The following UNC13C variants were observed in gnomAD, a reference collection of about 807,000 sequenced individuals.
UNC13C encodes the protein unc-13 homolog C.
In UNC13C, 174 loss-of-function variants were observed where a neutral mutation model predicts 245.4. The observed-to-expected ratio is 0.71, with a 90% CI of 0.63 to 0.80. The LOEUF (loss-of-function observed/expected upper bound fraction) is 0.80. Ranked by LOEUF, UNC13C falls within the 30% of genes least tolerant of loss-of-function variation. UNC13C has a pLI of 0.00. For missense variants in UNC13C, 2,829 were observed against 2,602.9 expected, an observed-to-expected ratio of 1.09 and a Z score of -1.89; for synonymous variants, 992 against 895.1, an observed-to-expected ratio of 1.11 and a Z score of -1.93.
At chr15:53,879,947 GTGTGTT>G in the UNC13C span, among the ~76,000 whole-genome samples, 11 of 129,352 alleles carry the variant, frequency 8.5e-5, no homozygotes, top group East Asian at 1.4e-3. Flanking sequence ...TGCTGCGTGT[GTGTGTT>G]TGTGTGTGTG....
chr15:54,391,913 T>A (rs2039966179), intron 17 of UNC13C, among the ~76,000 whole-genome samples: 1 of 152,070 alleles, frequency 6.6e-6, no homozygotes, highest in African/African-American at 2.4e-5. Flanking sequence ...AACATATGCA[T>A]ATACAACCAT....
At chr15:54,392,442 C>A (rs1000746291) in intron 17 of UNC13C, among the ~76,000 whole-genome samples, 4 of 151,872 alleles carry the variant, frequency 2.6e-5, no homozygotes, top group Admixed American at 6.6e-5. Flanking sequence ...GACAAACTTA[C>A]AAAATTTTAG....
At chr15:53,997,149 A>G (rs762723218) in intron 1 of UNC13C, among the ~76,000 whole-genome samples, 1 of 151,698 alleles carries the variant, frequency 6.6e-6, no homozygotes, top group Non-Finnish European at 1.5e-5. Context: ...TTTTATTTGT[A>G]TTTTCTTTAT....
intron 2 of UNC13C, among the ~76,000 whole-genome samples, chr15:54,051,962 C>T (rs1269168558): frequency 7.7e-6 from 1 of 130,058 alleles, no homozygotes; most frequent in East Asian, 2.2e-4. Context: ...CTTCCTGTGT[C>T]CATGTGATCT....
At chr15:54,042,635 C>G (rs1896854610) in intron 2 of UNC13C, among the ~76,000 whole-genome samples, 1 of 152,046 alleles carries the variant, frequency 6.6e-6, no homozygotes, top group Admixed American at 6.5e-5. Flanking sequence ...GGGCGGATCA[C>G]AAGGTCAGGA....
chr15:54,591,572 A>C (rs1003814628), intron 30 of UNC13C, among the ~76,000 whole-genome samples: 1 of 152,010 alleles, frequency 6.6e-6, no homozygotes, highest in African/African-American at 2.4e-5. Context: ...TAGTTTATGT[A>C]CATAAAGTTG....
At chr15:54,412,733 T>G (rs764459904) in intron 18 of UNC13C, among the ~76,000 whole-genome samples, 1 of 152,182 alleles carries the variant, frequency 6.6e-6, no homozygotes, top group African/African-American at 2.4e-5. Context: ...AACCATGTTG[T>G]CTGTGAAAAG....
At chr15:54,274,741 G>A (rs181810848) in intron 10 of UNC13C, among the ~76,000 whole-genome samples, 8 of 138,252 alleles carry the variant, frequency 5.8e-5, no homozygotes, top group Admixed American at 4.8e-4. Flanking sequence ...GCGCGATCTC[G>A]GCTCAATGCA....
At chr15:54,152,490 T>G (rs572561811) in intron 4 of UNC13C, among the ~76,000 whole-genome samples, 18 of 152,314 alleles carry the variant, frequency 1.2e-4, no homozygotes, top group African/African-American at 4.1e-4. Context: ...CTTAAATTTA[T>G]GAGGAAATTA....
At chr15:53,931,296 G>A in the UNC13C span, among the ~76,000 whole-genome samples, 1 of 152,112 alleles carries the variant, frequency 6.6e-6, no homozygotes, top group Non-Finnish European at 1.5e-5. Context: ...AGCCTCCTGA[G>A]TAGCTGGGAT....
chr15:54,400,191 T>C (rs2040153083), intron 18 of UNC13C, among the ~76,000 whole-genome samples: 1 of 152,016 alleles, frequency 6.6e-6, no homozygotes, highest in African/African-American at 2.4e-5. Context: ...ACTAATAACA[T>C]TAACGGTAAG....
chr15:53,895,555 T>C, the UNC13C span, among the ~76,000 whole-genome samples: 1 of 152,238 alleles, frequency 6.6e-6, no homozygotes, highest in African/African-American at 2.4e-5. Flanking sequence ...TTAAAAGATA[T>C]CCCAGCTGAA....
intron 2 of UNC13C, among the ~76,000 whole-genome samples, chr15:54,039,434 G>A (rs570083209): frequency 1.3e-5 from 2 of 152,282 alleles, no homozygotes; most frequent in South Asian, 4.1e-4. Flanking sequence ...TATCCCTTGG[G>A]TCTTTGGCTC....
chr15:54,375,837 G>A (rs918144217), intron 17 of UNC13C, among the ~76,000 whole-genome samples: 7 of 152,188 alleles, frequency 4.6e-5, no homozygotes, highest in African/African-American at 7.2e-5. Context: ...AAGACCCAGC[G>A]GAGCTGTGCC....
chr15:54,610,772 G>T (rs867253636), intron 30 of UNC13C, among the ~76,000 whole-genome samples: 9 of 152,040 alleles, frequency 5.9e-5, no homozygotes, highest in African/African-American at 2.2e-4. Context: ...GATACTTAGC[G>T]AAGCCTGGAT....
intron 30 of UNC13C, among the ~76,000 whole-genome samples, chr15:54,603,626 C>A (rs983945556): frequency 6.6e-6 from 1 of 152,116 alleles, no homozygotes. Flanking sequence ...CTTTAGGAGG[C>A]CAAGGCAGGC....
intron 1 of UNC13C, among the ~76,000 whole-genome samples, chr15:53,982,962 C>G (rs1893984566): frequency 6.6e-6 from 1 of 152,114 alleles, no homozygotes. Flanking sequence ...CATTTGTCTA[C>G]CTGATAAACT....
chr15:54,626,091 TAGAAAATCA>T (rs1462807960), intron 32 of UNC13C, among the ~76,000 whole-genome samples: 1 of 152,126 alleles, frequency 6.6e-6, no homozygotes, highest in Non-Finnish European at 1.5e-5. Context: ...GTACATTCAT[TAGAAAATCA>T]AGAATATGAG....
intron 4 of UNC13C, among the ~76,000 whole-genome samples, chr15:54,163,714 C>A (rs1379639519): frequency 1.3e-5 from 2 of 152,100 alleles, no homozygotes; most frequent in Non-Finnish European, 2.9e-5. Flanking sequence ...TTATGCTGTG[C>A]TAGGTATTAT....
Sources: allele counts gnomAD v4.1 joint callset (sites outside exome capture counted in the v4.1 genomes callset), GRCh38; gene constraint gnomAD v4.1.1; transcripts MANE v1.5; gene names NCBI Gene and HGNC (gene_info 2026-07-23, HGNC 2026-07-21).